Variants in GRHL2 observed in about 807,000 individuals in gnomAD.
GRHL2 encodes the protein grainyhead like transcription factor 2, also known as grainyhead-like protein 2 homolog.
Under a neutral mutation model 83.8 loss-of-function variants are expected in GRHL2, and 21 were observed. The observed-to-expected ratio is 0.25, with a 90% confidence interval of 0.18 to 0.36. GRHL2 has a LOEUF of 0.36. GRHL2 is among the 10% of genes least tolerant of loss of function. GRHL2 has a pLI of 1.00. For synonymous variants in GRHL2, 280 were observed against 278.9 expected (o/e 1.00, Z -0.04); for missense variants, 623 against 781.8 (o/e 0.80, Z 2.42).
At chr8:101,599,525 G>C (rs1812466933) in intron 8 of GRHL2, among the ~76,000 whole-genome samples, 1 of 152,178 alleles carries the variant, frequency 6.6e-6, no homozygotes, top group South Asian at 2.1e-4. Context: ...GTAAGCTACT[G>C]GGTAGACCCC....
intron 1 of GRHL2, among the ~76,000 whole-genome samples, chr8:101,536,377 C>T (rs577945749): frequency 2.0e-4 from 30 of 152,248 alleles, no homozygotes; most frequent in South Asian, 6.2e-4. Context: ...ATAATAAATA[C>T]GGTGATTGAC....
chr8:101,531,558 A>G (rs1054719375), intron 1 of GRHL2, among the ~76,000 whole-genome samples: 2 of 151,396 alleles, frequency 1.3e-5, no homozygotes, highest in African/African-American at 4.8e-5. Flanking sequence ...ATTTTGATTT[A>G]CACACACACA....
At chr8:101,529,054 A>G (rs1810865589) in intron 1 of GRHL2, 1 of 382,664 alleles carries the variant, frequency 2.6e-6, no homozygotes. Flanking sequence ...TTCCACGTCA[A>G]CAGTTTTTTC....
intron 2 of GRHL2, among the ~76,000 whole-genome samples, chr8:101,551,001 T>A (rs1437154610): frequency 1.3e-5 from 2 of 152,202 alleles, no homozygotes; most frequent in African/African-American, 4.8e-5. Context: ...GTTTTTCCAT[T>A]CATCTGCTGT....
chr8:101,576,422 G>A (rs1382092505), intron 6 of GRHL2, among the ~76,000 whole-genome samples: 1 of 152,120 alleles, frequency 6.6e-6, no homozygotes, highest in Non-Finnish European at 1.5e-5. Context: ...GTCTCACTAT[G>A]TTCCCCAGGC....
intron 3 of GRHL2, among the ~76,000 whole-genome samples, chr8:101,554,341 C>A (rs1203548310): frequency 1.3e-5 from 2 of 152,182 alleles, no homozygotes; most frequent in Non-Finnish European, 2.9e-5. Context: ...TTGAGTTAAA[C>A]TTGTGCTATC....
rs188110045 is a variant in GRHL2, at chr8:101,643,229, C to T, written c.1518-902C>T. 3.3e-3 allele frequency among the ~76,000 whole-genome samples: 503 copies of T among 152,086 alleles called. 7 individuals carry two copies. The highest frequency in any genetic ancestry group is 0.012 in the African/African-American group (488 of 41,474). On this transcript the variant is annotated intron_variant, in intron 12 of 15. Transcript: ENST00000646743. The stretch of plus-strand genomic sequence containing the variant: ...TGTCTTTCGGGATTGTGATCAGCAC[C>T]GGGTCCCAGGACTTCAGAGACACTA...
chr8:101,623,552 T>C (rs1429072763), intron 9 of GRHL2, among the ~76,000 whole-genome samples: 1 of 145,776 alleles, frequency 6.9e-6, no homozygotes, highest in Non-Finnish European at 1.5e-5. Flanking sequence ...CAGTTCACGG[T>C]ACCCAGTAGG....
rs1218028951 is a variant in GRHL2 at position 101,613,656 on chromosome 8, A to G, written c.1099-5883A>G. 3.3e-5 allele frequency among the ~76,000 whole-genome samples: 5 copies of G among 151,174 alleles called. 1 individual carries two copies. The highest frequency in any genetic ancestry group is 1.2e-4 in the African/African-American group (5 of 40,534). ...TATCAAAGTGGAAGAAGAAAGGTAA[A>G]ATGTGAGAAAGCTGTCTGTAGAAGT... On this transcript the variant is annotated intron_variant, in intron 8 of 15. Transcript: ENST00000646743.
At chr8:101,601,208 ACCACCAC>A (rs1812507396) in intron 8 of GRHL2, among the ~76,000 whole-genome samples, 1 of 151,512 alleles carries the variant, frequency 6.6e-6, no homozygotes, top group Non-Finnish European at 1.5e-5. Flanking sequence ...CACCACCACC[ACCACCAC>A]CAACAACAAC....
intron 1 of GRHL2, among the ~76,000 whole-genome samples, chr8:101,515,519 G>C (rs1794333050): frequency 3.3e-5 from 5 of 152,314 alleles, no homozygotes; most frequent in African/African-American, 1.2e-4. Context: ...TTCAGAGTCT[G>C]TTGAAAACCA....
At chr8:101,636,351 T>C (rs1813284864) in intron 11 of GRHL2, among the ~76,000 whole-genome samples, 1 of 152,162 alleles carries the variant, frequency 6.6e-6, no homozygotes, top group Non-Finnish European at 1.5e-5. Flanking sequence ...CAAATTTCTG[T>C]GGTTGCGGGA....
chr8:101,584,208 A>C (rs1812117990), intron 7 of GRHL2, among the ~76,000 whole-genome samples: 1 of 152,196 alleles, frequency 6.6e-6, no homozygotes, highest in Admixed American at 6.5e-5. Context: ...GTAGATTTCC[A>C]TGGTAATTAG....
chr8:101,602,007 G>T (rs376264197), intron 8 of GRHL2, among the ~76,000 whole-genome samples: 1 of 152,048 alleles, frequency 6.6e-6, no homozygotes, highest in Non-Finnish European at 1.5e-5. Context: ...GCCCTGGTGC[G>T]TAATGTTCCT....
At chr8:101,546,563 C>T (rs901200169) in intron 2 of GRHL2, among the ~76,000 whole-genome samples, 14 of 151,952 alleles carry the variant, frequency 9.2e-5, no homozygotes, top group East Asian at 7.7e-4. Context: ...CATGCATCAC[C>T]GCAACCGGCT....
chr8:101,596,775 G>A (rs1812400249), intron 7 of GRHL2, among the ~76,000 whole-genome samples: 1 of 152,228 alleles, frequency 6.6e-6, no homozygotes. Context: ...ATTTGTGGGT[G>A]AGAAAATTGT....
chr8:101,558,371 T>A, intron 3 of GRHL2, 48 bp from the exon 4 acceptor site: 1 of 1,608,308 alleles, frequency 6.2e-7, no homozygotes. Context: ...CGTTGCCGAA[T>A]GGTGATTTTT....
intron 1 of GRHL2, among the ~76,000 whole-genome samples, chr8:101,525,203 A>G (rs1810780323): frequency 6.6e-6 from 1 of 152,180 alleles, no homozygotes; most frequent in Admixed American, 6.5e-5. Context: ...TTGGCCTCCC[A>G]AAGTGCTGGA....
At chr8:101,521,960 AG>A (rs1180690917) in intron 1 of GRHL2, among the ~76,000 whole-genome samples, 1 of 152,134 alleles carries the variant, frequency 6.6e-6, no homozygotes, top group African/African-American at 2.4e-5. Context: ...AGCTCAATAA[AG>A]GTTTGTTCAA....
Sources: gnomAD v4.1 joint callset for allele counts (sites outside exome capture counted in the v4.1 genomes callset) on GRCh38, gnomAD v4.1.1 for gene constraint, MANE v1.5 for transcripts, NCBI Gene and HGNC (gene_info 2026-07-23, HGNC 2026-07-21) for gene names.